Variants in SYT10 observed in about 807,000 individuals in gnomAD.
SYT10 encodes synaptotagmin 10.
Under a neutral mutation model 51.1 loss-of-function variants are expected in SYT10, and 31 were observed. The ratio of observed to expected loss-of-function variants is 0.61; its 90% CI spans 0.46 to 0.82. SYT10 has a LOEUF of 0.82. Ranked by LOEUF, SYT10 falls within the 40% of genes least tolerant of loss-of-function variation. The pLI, the probability that SYT10 is intolerant of heterozygous loss-of-function variation, is 0.00. For missense variants in SYT10, 603 were observed against 634.0 expected (o/e 0.95, Z 0.53); for synonymous variants, 233 against 225.9 (o/e 1.03, Z -0.28).
intron 2 of SYT10, among the ~76,000 whole-genome samples, chr12:33,411,523 T>C (rs962864779): frequency 2.0e-5 from 3 of 152,174 alleles, no homozygotes; most frequent in Non-Finnish European, 4.4e-5. Flanking sequence ...AAAGTAAAAT[T>C]TGTAAGGCGA....
intron 1 of SYT10, among the ~76,000 whole-genome samples, chr12:33,429,564 C>T (rs1172574754): frequency 6.6e-6 from 1 of 152,164 alleles, no homozygotes; most frequent in African/African-American, 2.4e-5. Flanking sequence ...CAAATAAATG[C>T]ATCCATGCAT....
intron 2 of SYT10, among the ~76,000 whole-genome samples, chr12:33,420,339 C>G (rs566802491): frequency 6.6e-6 from 1 of 151,992 alleles, no homozygotes; most frequent in Non-Finnish European, 1.5e-5. Context: ...AAATAATTTA[C>G]CCTAAGATTC....
chr12:33,414,765 ATTC>A (rs1866438805), intron 2 of SYT10, among the ~76,000 whole-genome samples: 1 of 152,214 alleles, frequency 6.6e-6, no homozygotes, highest in Non-Finnish European at 1.5e-5. Context: ...TCACCATCTT[ATTC>A]TTCAAATCTA....
chr12:33,411,865 G>T (rs898945564), intron 2 of SYT10, among the ~76,000 whole-genome samples: 3 of 152,014 alleles, frequency 2.0e-5, no homozygotes, highest in African/African-American at 7.2e-5. Context: ...GTTAGCAAAG[G>T]TCAGAGGGAA....
At chr12:33,418,077 TTACTC>T (rs1290350272) in intron 2 of SYT10, among the ~76,000 whole-genome samples, 2 of 152,192 alleles carry the variant, frequency 1.3e-5, no homozygotes, top group African/African-American at 4.8e-5. Context: ...CTATTTAAAC[TTACTC>T]TAATCAGCTT....
At position 33,375,251 on chromosome 12, in the gene SYT10, CTTAA is replaced by C. The variant is rs1866052602; in HGVS notation, c.*1575_*1578del. On this transcript the variant is annotated 3_prime_UTR_variant, in exon 7 of 7. Transcript: ENST00000228567. The stretch of plus-strand genomic sequence containing the variant: ...ATGGTAATGTGCAAAATATTTACCT[CTTAA>C]TTAACAGTAATGCCATCACTATAAG... The C allele has an allele frequency of 6.6e-6, 1 of 151,884 alleles. No individual in the cohort carries two copies. The highest frequency in any genetic ancestry group is 1.5e-5 in the Non-Finnish European group (1 of 67,914). 9.4% of individuals were successfully genotyped at this position (151,884 alleles called of 1,614,324 possible).
chr12:33,439,419 G>A lies in SYT10; in HGVS notation c.104C>T (p.Ser35Leu). Reference sequence around the variant, plus strand: ...GCCCCTGTCCCGAGGGAAGATGCCCGAGCACTTCTCCCACTCCACCTGGCC... The same window carrying A: ...GCCCCTGTCCCGAGGGAAGATGCCCAAGCACTTCTCCCACTCCACCTGGCC... ...FAGQVEWEKC[S>L]GIFPRDRGSQ... Residue 35 changes from serine to leucine, a missense_variant, in exon 1 of 7, where the codon TCG (serine) becomes TTG (leucine). By Grantham distance (145) the Ser-to-Leu change is moderately radical (BLOSUM62 -2). Coordinates refer to ENST00000228567, the MANE Select transcript of SYT10 (RefSeq NM_198992.4). The A allele has an allele frequency of 4.3e-6, 7 of 1,614,156 alleles. No individual in the cohort carries two copies. The highest frequency in any genetic ancestry group is 1.3e-5 in the African/African-American group (1 of 75,066).
intron 2 of SYT10, among the ~76,000 whole-genome samples, chr12:33,409,962 T>C (rs1402913364): frequency 1.3e-5 from 2 of 152,178 alleles, no homozygotes; most frequent in Non-Finnish European, 2.9e-5. Context: ...GAAGATAAAC[T>C]TTAGCTTAAT....
At chr12:33,407,843 C>T (rs186556538) in intron 2 of SYT10, 1 of 152,830 alleles carries the variant, frequency 6.5e-6, no homozygotes, top group Non-Finnish European at 1.5e-5. Context: ...CTTCTGGGCT[C>T]ACGCAATCCT....
At position 33,377,317 on chromosome 12, in the gene SYT10, C is replaced by T. The variant is rs190699138; in HGVS notation, c.1501-416G>A. ...CCTCCCGAGTAGCTTGGATTACAGGCGCCCGCCACCACGCCCGGCTAATTT... is the reference window on the plus strand; with the variant it reads ...CCTCCCGAGTAGCTTGGATTACAGGTGCCCGCCACCACGCCCGGCTAATTT... On this transcript the variant is annotated intron_variant, in intron 6 of 6. Coordinates refer to ENST00000228567, the MANE Select transcript of SYT10 (RefSeq NM_198992.4). 2.8e-3 allele frequency among the ~76,000 whole-genome samples: 433 copies of T among 151,938 alleles called. 2 individuals carry two copies. Among genetic ancestry groups the T allele is most frequent in the African/African-American group, 9.9e-3 (410 of 41,464 alleles).
In SYT10 at chr12:33,376,737, T is replaced by C; in HGVS notation, c.*93A>G. 1 of 1,434,738 alleles carries C rather than the reference T, an allele frequency of 7.0e-7. No individual in the cohort carries two copies. The highest frequency in any genetic ancestry group is 9.7e-7 in the Non-Finnish European group (1 of 1,029,146). 88.9% of individuals were successfully genotyped at this position (1,434,738 alleles called of 1,614,324 possible). On this transcript the variant is annotated 3_prime_UTR_variant, in exon 7 of 7. Transcript: ENST00000228567. ...AAGTTTGTTCATTAGTACGGATATA[T>C]TTCAAATGAGGAAACCAAACCTTCC...
At chr12:33,401,018 T>G (rs1028985832) in intron 3 of SYT10, among the ~76,000 whole-genome samples, 12 of 143,788 alleles carry the variant, frequency 8.3e-5, no homozygotes, top group African/African-American at 3.2e-4. Flanking sequence ...TAGAGTGAGA[T>G]TCTGTCTCAA....
intron 2 of SYT10, among the ~76,000 whole-genome samples, chr12:33,420,198 G>A (rs1289323601): frequency 6.6e-6 from 1 of 152,124 alleles, no homozygotes; most frequent in African/African-American, 2.4e-5. Context: ...TTTCAGATTT[G>A]TCTTTCACTC....
At chr12:33,424,290 A>AAT (rs1866530844) in intron 2 of SYT10, among the ~76,000 whole-genome samples, 1 of 152,152 alleles carries the variant, frequency 6.6e-6, no homozygotes, top group Non-Finnish European at 1.5e-5. Context: ...CTCAACAGGT[A>AAT]ATATTTTGGA....
At chr12:33,418,405 G>A (rs1423073488) in intron 2 of SYT10, among the ~76,000 whole-genome samples, 1 of 151,722 alleles carries the variant, frequency 6.6e-6, no homozygotes, top group African/African-American at 2.4e-5. Flanking sequence ...TCATCTCCTC[G>A]CTTAGGACAT....
chr12:33,426,056 G>A, intron 2 of SYT10, 82 bp downstream of exon 2: 3 of 1,336,822 alleles, frequency 2.2e-6, no homozygotes, highest in Non-Finnish European at 3.0e-6. Flanking sequence ...TCTCTCTTAT[G>A]AAATTTCACA....
At chr12:33,383,870 C>G (rs1866136706) in intron 4 of SYT10, among the ~76,000 whole-genome samples, 1 of 152,156 alleles carries the variant, frequency 6.6e-6, no homozygotes, top group Non-Finnish European at 1.5e-5. Flanking sequence ...TTAATTATAA[C>G]TTTGATGTTG....
At chr12:33,418,987 C>T (rs950475393) in intron 2 of SYT10, among the ~76,000 whole-genome samples, 2 of 152,062 alleles carry the variant, frequency 1.3e-5, no homozygotes, top group East Asian at 1.9e-4. Context: ...GCTTTTTCTC[C>T]TGGATTTCTC....
intron 3 of SYT10, 126 bp downstream of exon 3, chr12:33,406,663 C>A (rs1866355402): frequency 1.3e-6 from 1 of 787,168 alleles, no homozygotes; most frequent in South Asian, 2.1e-5. Context: ...GAAATTCTAC[C>A]TTTGCAGGAT....
Sources: gnomAD v4.1 joint callset for allele counts (sites outside exome capture counted in the v4.1 genomes callset) on GRCh38, gnomAD v4.1.1 for gene constraint, MANE v1.5 for transcripts, NCBI Gene and HGNC (gene_info 2026-07-23, HGNC 2026-07-21) for gene names.